Variants in FDFT1 observed in about 807,000 individuals in gnomAD.
FDFT1 encodes squalene synthase.
In FDFT1, 68 loss-of-function variants were observed where a neutral mutation model predicts 46.8. The ratio of observed to expected loss-of-function variants is 1.45; its 90% CI spans 1.19 to 1.78. FDFT1 has a LOEUF of 1.78. Among genes scored for constraint, FDFT1 ranks in the 40% most tolerant of loss-of-function variants. The pLI is 0.00. For missense variants in FDFT1, 928 were observed against 524.4 expected, an observed-to-expected ratio of 1.77 and a Z score of -7.52; for synonymous variants, 351 against 185.1, an observed-to-expected ratio of 1.90 and a Z score of -7.28.
At position 11,817,155 on chromosome 8, in the gene FDFT1, T is replaced by G. The variant is rs544077314; in HGVS notation, c.382-4595T>G. Among the ~76,000 whole-genome samples the G allele has an allele frequency of 2.0e-5, 3 of 152,344 alleles. No individual in the cohort carries two copies. The East Asian group carries it at 5.8e-4, about 29-fold the overall frequency. On this transcript the variant is annotated intron_variant, in intron 3 of 7. Coordinates refer to ENST00000220584, the MANE Select transcript of FDFT1 (RefSeq NM_004462.5). ...TGTGGTTTTTGTCATAGGTTCTGTTTATGTGATGGATGATGTTTATTGATT... is the reference window on the plus strand; with the variant it reads ...TGTGGTTTTTGTCATAGGTTCTGTTGATGTGATGGATGATGTTTATTGATT...
chr8:11,806,437 G>T (rs182146122), intron 1 of FDFT1, among the ~76,000 whole-genome samples: 1 of 152,308 alleles, frequency 6.6e-6, no homozygotes, highest in East Asian at 1.9e-4. Flanking sequence ...GTAAGGGACT[G>T]AAACAAATAG....
intron 3 of FDFT1, among the ~76,000 whole-genome samples, chr8:11,820,604 C>T (rs915378670): frequency 2.0e-5 from 3 of 152,328 alleles, no homozygotes; most frequent in Middle Eastern, 3.4e-3. Flanking sequence ...CACCAAGCTC[C>T]AGCATCCCAG....
chr8:11,802,871 C>T lies in FDFT1; in HGVS notation c.39C>T (p.Phe13=). ...FVKCLGHPEE[F]YNLVRFRIGG... ...AATGCCTTGGCCACCCCGAAGAGTT[C>T]TACAACCTGGTGCGCTTCCGGATCG... The change falls in exon 1 of 8, where the codon TTC becomes TTT. Residue 13 remains phenylalanine (F), a synonymous_variant. Transcript: ENST00000220584. 1 of 1,612,400 alleles carries T rather than the reference C, an allele frequency of 6.2e-7. No individual in the cohort carries two copies. Among genetic ancestry groups the T allele is most frequent in the Non-Finnish European group, 8.5e-7 (1 of 1,179,204 alleles).
At chr8:11,833,651 T>C (rs1222137631) in intron 7 of FDFT1, among the ~76,000 whole-genome samples, 1 of 152,252 alleles carries the variant, frequency 6.6e-6, no homozygotes, top group African/African-American at 2.4e-5. Flanking sequence ...AGCCCTGTTT[T>C]TGTGAATAAA....
At chr8:11,830,997 G>A (rs1810698906) in intron 6 of FDFT1, among the ~76,000 whole-genome samples, 1 of 152,216 alleles carries the variant, frequency 6.6e-6, no homozygotes, top group Non-Finnish European at 1.5e-5. Flanking sequence ...GTGGTTGAAA[G>A]TAAAATCTGT....
chr8:11,796,491 G>A (rs774026958), intron 1 of FDFT1, among the ~76,000 whole-genome samples: 2 of 152,204 alleles, frequency 1.3e-5, no homozygotes, highest in African/African-American at 2.4e-5. Context: ...AACAAATAAG[G>A]TTCTTGATTC....
chr8:11,824,943 G>T (rs913722962), intron 4 of FDFT1, among the ~76,000 whole-genome samples: 1 of 152,042 alleles, frequency 6.6e-6, no homozygotes, highest in African/African-American at 2.4e-5. Context: ...CACCGTCTTA[G>T]CCAGGATGGT....
At chr8:11,801,074 G>A (rs1806069545), upstream of FDFT1, among the ~76,000 whole-genome samples, 1 of 152,164 alleles carries the variant, frequency 6.6e-6, no homozygotes, top group African/African-American at 2.4e-5. Flanking sequence ...CAAACAGGTG[G>A]GTCTAGATGA....
At chr8:11,828,310 C>CA (rs1240010443) in intron 5 of FDFT1, among the ~76,000 whole-genome samples, 3 of 151,784 alleles carry the variant, frequency 2.0e-5, no homozygotes, top group Admixed American at 1.3e-4. Context: ...CAAACAACAA[C>CA]AAAAAAACAA....
chr8:11,812,227 C>T (rs1317422650), intron 3 of FDFT1, among the ~76,000 whole-genome samples: 3 of 152,214 alleles, frequency 2.0e-5, no homozygotes, highest in East Asian at 1.9e-4. Context: ...ACGTTCTGGA[C>T]ATCTGGAGTT....
At chr8:11,829,964 C>T (rs1403943119) in intron 5 of FDFT1, among the ~76,000 whole-genome samples, 1 of 152,022 alleles carries the variant, frequency 6.6e-6, no homozygotes, top group Non-Finnish European at 1.5e-5. Context: ...TCTTCTGTCT[C>T]ACCCTCCTGA....
intron 6 of FDFT1, 96 bp from the exon 7 acceptor site, chr8:11,831,422 A>G (rs1585995851): frequency 7.8e-6 from 8 of 1,032,198 alleles, no homozygotes; most frequent in East Asian, 7.2e-5. Flanking sequence ...GCAGTTAGCA[A>G]TTGCCCATTC....
chr8:11,826,113 T>C lies in FDFT1; in HGVS notation c.600T>C (p.Asp200=), dbSNP rs2229247. The change falls in exon 5 of 8, where the codon GAT becomes GAC. Residue 200 remains aspartate, a synonymous_variant. Transcript: ENST00000220584. ...TTGAAGACCCCTTAGTTGGTGAAGA[T>C]ACAGAACGTGCCAACTCTATGGGCC... ...SEFEDPLVGE[D]TERANSMGLF... is the part of the protein sequence containing the mutation. The C allele has an allele frequency of 0.029, 46,939 of 1,610,228 alleles. 969 individuals are homozygous for C. Among genetic ancestry groups the C allele is most frequent in the African/African-American group, 0.088 (6,576 of 74,952 alleles).
chr8:11,803,508 G>A (rs930528264), intron 1 of FDFT1: 1 of 1,218,278 alleles, frequency 8.2e-7, no homozygotes, highest in East Asian at 5.7e-5. Flanking sequence ...TAGCTAGGTG[G>A]TTGGTGGAAG....
At chr8:11,825,424 C>T (rs1809823935) in intron 4 of FDFT1, among the ~76,000 whole-genome samples, 1 of 151,548 alleles carries the variant, frequency 6.6e-6, no homozygotes, top group African/African-American at 2.4e-5. Flanking sequence ...GCTTTAATTC[C>T]AGCTACTCAG....
chr8:11,809,160 G>A (rs2130722120), intron 2 of FDFT1: 1 of 1,286,522 alleles, frequency 7.8e-7, no homozygotes, highest in East Asian at 3.5e-5. Flanking sequence ...AGCTGAACCT[G>A]CCTGTGAGCA....
chr8:11,808,321 A>G, intron 1 of FDFT1: 1 of 1,232,580 alleles, frequency 8.1e-7, no homozygotes, highest in Non-Finnish European at 1.0e-6. Flanking sequence ...GGTTCTGGTG[A>G]GAAGGGCAAC....
At chr8:11,813,000 G>C (rs1322020395) in intron 3 of FDFT1, among the ~76,000 whole-genome samples, 1 of 151,802 alleles carries the variant, frequency 6.6e-6, no homozygotes, top group Non-Finnish European at 1.5e-5. Flanking sequence ...AGATGGCATA[G>C]CTACTACAGA....
intron 7 of FDFT1, among the ~76,000 whole-genome samples, chr8:11,834,026 G>A (rs1044034814): frequency 3.3e-5 from 5 of 152,190 alleles, no homozygotes; most frequent in East Asian, 1.9e-4. Context: ...GCCACAAGTC[G>A]TCTGGCCTCT....
Sources: gnomAD v4.1 joint callset for allele counts (sites outside exome capture counted in the v4.1 genomes callset) on GRCh38, gnomAD v4.1.1 for gene constraint, MANE v1.5 for transcripts, NCBI Gene and HGNC (gene_info 2026-07-23, HGNC 2026-07-21) for gene names.